MGAT4C: variants seen among roughly 807,000 people sequenced by gnomAD.
MGAT4C encodes the protein alpha-1,3-mannosyl-glycoprotein 4-beta-N-acetylglucosaminyltransferase C.
MGAT4C carries 19 observed loss-of-function variants against 40.1 expected under a neutral mutation model. The ratio of observed to expected loss-of-function variants is 0.47; its 90% CI spans 0.33 to 0.70. The LOEUF (loss-of-function observed/expected upper bound fraction) is 0.70, where lower values mean the gene tolerates loss of function less well. Ranked by LOEUF, MGAT4C falls within the 30% of genes least tolerant of loss-of-function variation. The pLI is 0.02. For missense variants in MGAT4C, 491 were observed against 563.2 expected, an observed-to-expected ratio of 0.87 and a Z score of 1.30; for synonymous variants, 181 against 187.1, an observed-to-expected ratio of 0.97 and a Z score of 0.27.
At position 86,033,191 on chromosome 12, in the gene MGAT4C, G is replaced by C. The variant is rs960070445; in HGVS notation, c.-7+16483C>G. On this transcript the variant is annotated intron_variant, in intron 2 of 4. Transcript: ENST00000611864. The stretch of plus-strand genomic sequence containing the variant: ...CCCTATAAGTATAGTTTTAAGTTGG[G>C]TAATGTGATGCCTCCATCTTTGTTC... Among the ~76,000 whole-genome samples the C allele has an allele frequency of 1.0e-4, 15 of 149,622 alleles. 1 individual carries two copies. Among genetic ancestry groups the C allele is most frequent in the African/African-American group, 1.5e-4 (6 of 41,198 alleles).
intron 3 of MGAT4C, among the ~76,000 whole-genome samples, chr12:86,351,332 T>A (rs1008339612): frequency 2.0e-5 from 3 of 151,996 alleles, no homozygotes; most frequent in African/African-American, 7.2e-5. Flanking sequence ...GTAGAGATGG[T>A]AGTAGAGATA....
chr12:86,295,816 G>A (rs1220179999), intron 4 of MGAT4C, among the ~76,000 whole-genome samples: 1 of 152,112 alleles, frequency 6.6e-6, no homozygotes, highest in African/African-American at 2.4e-5. Context: ...TAGATACAGA[G>A]TGTGGATTGG....
At chr12:86,540,740 AAGAG>A (rs964677938) in intron 2 of MGAT4C, among the ~76,000 whole-genome samples, 5 of 150,364 alleles carry the variant, frequency 3.3e-5, no homozygotes, top group African/African-American at 1.2e-4. Context: ...CATCTCCAGA[AAGAG>A]AGAGAGAGAG....
chr12:86,438,600 G>A (rs999606744), intron 2 of MGAT4C, among the ~76,000 whole-genome samples: 3 of 151,886 alleles, frequency 2.0e-5, no homozygotes, highest in African/African-American at 7.2e-5. Flanking sequence ...TCAATATGAT[G>A]ACTGGAACAA....
chr12:86,420,885 A>G (rs1956812988), intron 3 of MGAT4C, among the ~76,000 whole-genome samples: 1 of 150,494 alleles, frequency 6.6e-6, no homozygotes, highest in South Asian at 2.1e-4. Context: ...ATACATGTAT[A>G]TGTGTATATA....
At chr12:86,643,527 T>C (rs1296015523) in intron 2 of MGAT4C, among the ~76,000 whole-genome samples, 7 of 151,838 alleles carry the variant, frequency 4.6e-5, no homozygotes, top group Admixed American at 3.3e-4. Flanking sequence ...AACGAAATAC[T>C]GACTCATGCT....
intron 2 of MGAT4C, among the ~76,000 whole-genome samples, chr12:86,591,666 T>C (rs1391212284): frequency 1.3e-5 from 2 of 151,732 alleles, no homozygotes; most frequent in African/African-American, 4.8e-5. Flanking sequence ...AAACTTGTAA[T>C]ATTTATACCT....
intron 2 of MGAT4C, among the ~76,000 whole-genome samples, chr12:86,557,750 C>T (rs1959681530): frequency 6.6e-6 from 1 of 152,026 alleles, no homozygotes; most frequent in Admixed American, 6.6e-5. Context: ...GAAGGCCAAT[C>T]CATTAAATTG....
At chr12:86,736,736 T>C (rs2136125544) in intron 1 of MGAT4C, among the ~76,000 whole-genome samples, 1 of 151,908 alleles carries the variant, frequency 6.6e-6, no homozygotes, top group East Asian at 1.9e-4. Flanking sequence ...TGTGACCACT[T>C]TTTCTACTTC....
Position 86,432,539 on chromosome 12 carries a change from G to T in MGAT4C, c.-120+2618C>A, listed in dbSNP as rs114742883. On this transcript the variant is annotated intron_variant, in intron 3 of 7. Coordinates refer to the MGAT4C transcript ENST00000548651. ...ATGGAAGGTGGGGTCATGCAAGTTG[G>T]GATACTTCTTCCCATTGTAAATAAA... 8.1e-3 allele frequency among the ~76,000 whole-genome samples: 1,233 copies of T among 152,016 alleles called. 22 individuals are homozygous for T. Among genetic ancestry groups the T allele is most frequent in the African/African-American group, 0.029 (1,184 of 41,502 alleles).
rs963604614 is a variant in MGAT4C at position 86,708,403 on chromosome 12, G to A, written c.-229+18806C>T. ...GTCCAGACAGAAGTTTGCTGCAAGG[G>A]TGGGGCCCTCATGGAGAATGCCTGC... On this transcript the variant is annotated intron_variant, in intron 2 of 7. Coordinates refer to the MGAT4C transcript ENST00000548651. Among the ~76,000 whole-genome samples the A allele has an allele frequency of 4.6e-5, 7 of 152,360 alleles. No individual in the cohort carries two copies. In the East Asian group the frequency reaches 7.7e-4, roughly 17 times the overall value.
intron 2 of MGAT4C, among the ~76,000 whole-genome samples, chr12:86,005,569 G>C (rs987743066): frequency 6.6e-6 from 1 of 152,140 alleles, no homozygotes; most frequent in Non-Finnish European, 1.5e-5. Context: ...GATGAGTAAG[G>C]AAGATCACTT....
intron 2 of MGAT4C, among the ~76,000 whole-genome samples, chr12:85,999,293 T>C (rs555574727): frequency 1.8e-4 from 27 of 152,234 alleles, no homozygotes; most frequent in African/African-American, 6.5e-4. Context: ...AGCCAAACCA[T>C]ATCAAGCAGA....
At chr12:86,224,195 C>T (rs1289911473) in intron 1 of MGAT4C, among the ~76,000 whole-genome samples, 2 of 151,426 alleles carry the variant, frequency 1.3e-5, no homozygotes, top group African/African-American at 2.4e-5. Flanking sequence ...GATTATAAGT[C>T]GAAAACTGAA....
At position 86,338,991 on chromosome 12, in the gene MGAT4C, A is replaced by AAC. The variant is rs1954849408; in HGVS notation, c.-119-4865_-119-4864insGT. Among the ~76,000 whole-genome samples, 297 of 150,318 alleles carry AAC rather than the reference A, an allele frequency of 2.0e-3. 3 individuals carry two copies. Among genetic ancestry groups the AAC allele is most frequent in the African/African-American group, 7.0e-3 (286 of 40,570 alleles). On this transcript the variant is annotated intron_variant, in intron 3 of 7. Transcript: ENST00000548651. ...AAAAAAAAAAAAAAAAACAGAGAGA[A>AAC]AGAGAGAAAGAGCTAATATTTATTT...
intron 2 of MGAT4C, among the ~76,000 whole-genome samples, chr12:86,509,598 A>G (rs1020927795): frequency 2.4e-4 from 36 of 152,246 alleles, no homozygotes; most frequent in African/African-American, 7.7e-4. Context: ...TTCTGTGAAG[A>G]AAGTCATTGG....
chr12:86,813,633 G>T (rs1027972390), intron 1 of MGAT4C, among the ~76,000 whole-genome samples: 4 of 151,880 alleles, frequency 2.6e-5, no homozygotes, highest in Non-Finnish European at 5.9e-5. Flanking sequence ...AATTGACACA[G>T]TGAGTCACTA....
chr12:86,177,020 C>A (rs567466454), intron 1 of MGAT4C, among the ~76,000 whole-genome samples: 2 of 151,740 alleles, frequency 1.3e-5, no homozygotes, highest in African/African-American at 4.8e-5. Context: ...GTATATCTGA[C>A]CCATTGCCAT....
chr12:86,815,153 G>A (rs1303188936), intron 1 of MGAT4C, among the ~76,000 whole-genome samples: 1 of 151,830 alleles, frequency 6.6e-6, no homozygotes, highest in African/African-American at 2.4e-5. Context: ...AAATCAGTAA[G>A]AGAAAAACAA....
Sources: allele counts gnomAD v4.1 joint callset (sites outside exome capture counted in the v4.1 genomes callset), GRCh38; gene constraint gnomAD v4.1.1; transcripts MANE v1.5; gene names NCBI Gene and HGNC (gene_info 2026-07-23, HGNC 2026-07-21).